LINS1: variants seen among roughly 807,000 people sequenced by gnomAD.
The protein encoded by LINS1 is protein Lines homolog 1.
In LINS1, 27 loss-of-function variants were observed where a neutral mutation model predicts 41.6. That is an observed-to-expected ratio of 0.65 (90% confidence interval 0.48 to 0.89). The LOEUF (loss-of-function observed/expected upper bound fraction) is 0.89. Ranked by LOEUF, LINS1 falls within the 40% of genes least tolerant of loss-of-function variation. The pLI is 0.00. For synonymous variants in LINS1, 336 were observed against 312.9 expected (o/e 1.07, Z -0.78); for missense variants, 955 against 884.1 (o/e 1.08, Z -1.02).
intron 1 of LINS1, among the ~76,000 whole-genome samples, chr15:100,598,891 A>C (rs1407275315): frequency 6.6e-6 from 1 of 152,100 alleles, no homozygotes; most frequent in Non-Finnish European, 1.5e-5. Context: ...TCCACCACCA[A>C]GTGCTTTATG....
At chr15:100,579,840 G>A (rs1020065639) in intron 3 of LINS1, among the ~76,000 whole-genome samples, 3 of 152,124 alleles carry the variant, frequency 2.0e-5, no homozygotes, top group Non-Finnish European at 2.9e-5. Context: ...CTACTAGTTC[G>A]AGAATCTGCA....
intron 1 of LINS1, among the ~76,000 whole-genome samples, chr15:100,588,424 T>G (rs923547917): frequency 6.6e-6 from 1 of 152,256 alleles, no homozygotes; most frequent in Admixed American, 6.5e-5. Flanking sequence ...TAATAAGAGC[T>G]TAAATCAAAT....
At chr15:100,593,993 C>T (rs774054878) in intron 1 of LINS1, among the ~76,000 whole-genome samples, 13 of 152,174 alleles carry the variant, frequency 8.5e-5, no homozygotes, top group African/African-American at 2.4e-4. Context: ...AGTCACCCCT[C>T]GGTATCTGTG....
In LINS1 at chr15:100,567,489, A is replaced by G. The variant is rs2037600388; in HGVS notation, c.*1749T>C. The G allele has an allele frequency of 6.6e-6, 1 of 152,190 alleles. No homozygotes were observed. The highest frequency in any genetic ancestry group is 2.4e-5 in the African/African-American group (1 of 41,444). 9.4% of individuals were successfully genotyped at this position (152,190 alleles called of 1,614,324 possible). On this transcript the variant is annotated 3_prime_UTR_variant, in exon 7 of 7. Coordinates refer to ENST00000314742, the MANE Select transcript of LINS1 (RefSeq NM_001040616.3). ...CACAAAAGCATATATATGAATGTGT[A>G]TTACTCCCGCCCTGCTTCTTTCCCT...
rs765487446 is a variant in LINS1, at chr15:100,569,654, G to C, written c.1858C>G (p.Pro620Ala). ...HTMCASSLSS[P>A]RASQSLVDYD... ...TCTACCAGACTTTGAGAGGCCCGGG[G>C]GGAAGACAGACTAGAAGCACACATG... Residue 620 changes from proline (P) to alanine (A), a missense_variant, in exon 7 of 7, where the codon CCC (proline) becomes GCC (alanine). Coordinates refer to ENST00000314742, the MANE Select transcript of LINS1 (RefSeq NM_001040616.3). The C allele has an allele frequency of 1.5e-5, 25 of 1,613,294 alleles. No individual in the cohort carries two copies. The highest frequency in any genetic ancestry group is 2.1e-5 in the Non-Finnish European group (25 of 1,179,494).
intron 1 of LINS1, among the ~76,000 whole-genome samples, chr15:100,588,233 C>A (rs1323982105): frequency 6.6e-6 from 1 of 152,134 alleles, no homozygotes; most frequent in Admixed American, 6.5e-5. Flanking sequence ...GATGGCCCAG[C>A]CAATTGGTCA....
At chr15:100,584,655 A>G (rs973230780) in intron 1 of LINS1, among the ~76,000 whole-genome samples, 1 of 152,174 alleles carries the variant, frequency 6.6e-6, no homozygotes, top group African/African-American at 2.4e-5. Flanking sequence ...CTGACCATAG[A>G]TATGTGAGGA....
chr15:100,576,403 G>C (rs1039974499), intron 3 of LINS1, among the ~76,000 whole-genome samples: 40 of 152,336 alleles, frequency 2.6e-4, no homozygotes, highest in Non-Finnish European at 4.7e-4. Flanking sequence ...ATACCTCTAT[G>C]CAAATAAAGT....
chr15:100,573,467 G>C (rs1054264399), intron 5 of LINS1, 184 bp downstream of exon 5: 76 of 873,582 alleles, frequency 8.7e-5, no homozygotes, highest in Non-Finnish European at 1.1e-4. Context: ...ACAAAAAGCT[G>C]ACATGTTTCT....
chr15:100,573,875 T>C lies in LINS1; in HGVS notation c.998A>G (p.Asp333Gly), dbSNP rs1367891548. The C allele has an allele frequency of 1.2e-6, 2 of 1,614,104 alleles. No homozygotes were observed. The highest frequency in any genetic ancestry group is 1.7e-6 in the Non-Finnish European group (2 of 1,180,048). ...AACAGCATTAGCTAAAGCCAGCATG[T>C]CCACCGCTACATGATGGTCTGGCGG... ...LMPPDHHVAV[D>G]MLALANAVLQ... Residue 333 changes from aspartate (D) to glycine (G), a missense_variant, in exon 5 of 7, where the codon GAC (aspartate) becomes GGC (glycine). Physicochemically the swap from Asp to Gly is moderately conservative, Grantham distance 94. Coordinates refer to ENST00000314742, the MANE Select transcript of LINS1 (RefSeq NM_001040616.3).
At chr15:100,587,587 G>C (rs2038865748) in intron 1 of LINS1, among the ~76,000 whole-genome samples, 1 of 152,054 alleles carries the variant, frequency 6.6e-6, no homozygotes, top group Non-Finnish European at 1.5e-5. Context: ...ATAAAACCAT[G>C]ATTTTTTTAA....
chr15:100,574,489 C>T (rs1183515644), intron 4 of LINS1, among the ~76,000 whole-genome samples: 1 of 152,342 alleles, frequency 6.6e-6, no homozygotes, highest in East Asian at 1.9e-4. Flanking sequence ...GGGTGGATCA[C>T]TTGAGGTCAG....
intron 1 of LINS1, among the ~76,000 whole-genome samples, chr15:100,590,096 A>G (rs541544456): frequency 6.6e-6 from 1 of 152,318 alleles, no homozygotes; most frequent in African/African-American, 2.4e-5. Flanking sequence ...CTTAAGGTAA[A>G]GCTAACCAAG....
rs774662041 is a variant in LINS1, at chr15:100,575,115, T to C, written c.503A>G (p.Asn168Ser). Residue 168 changes from asparagine (N) to serine (S), a missense_variant, in exon 4 of 7, where the codon AAT becomes AGT. By Grantham distance (46) the Asn-to-Ser change is conservative. Coordinates refer to ENST00000314742, the MANE Select transcript of LINS1 (RefSeq NM_001040616.3). Reference sequence around the variant, plus strand: ...TTTCTGGCAAAAAGCAATCCAGGAATTACTTAAGGTTATCTACAAGTGAGA... The same window carrying C: ...TTTCTGGCAAAAAGCAATCCAGGAACTACTTAAGGTTATCTACAAGTGAGA... ...FQLREKITLS[N>S]SWIAFCQKNL... 6.2e-7 allele frequency: 1 copy of C among 1,611,456 alleles called. No individual in the cohort carries two copies. The highest frequency in any genetic ancestry group is 1.3e-5 in the African/African-American group (1 of 74,878).
intron 1 of LINS1, among the ~76,000 whole-genome samples, chr15:100,591,869 G>C (rs1179400712): frequency 6.6e-6 from 1 of 152,160 alleles, no homozygotes; most frequent in East Asian, 1.9e-4. Context: ...AGTTACAGAA[G>C]ATAGACCATT....
chr15:100,594,708 G>A (rs922382708), intron 1 of LINS1, among the ~76,000 whole-genome samples: 1 of 152,120 alleles, frequency 6.6e-6, no homozygotes. Context: ...ATGACAAGAA[G>A]AAAAAATCCA....
chr15:100,596,195 TA>T (rs1170159467), intron 1 of LINS1, among the ~76,000 whole-genome samples: 1 of 152,218 alleles, frequency 6.6e-6, no homozygotes, highest in Non-Finnish European at 1.5e-5. Flanking sequence ...CTTGGAGTGC[TA>T]CACCATCCTT....
chr15:100,572,742 C>A, intron 5 of LINS1: 1 of 984,130 alleles, frequency 1.0e-6, no homozygotes, highest in Non-Finnish European at 1.2e-6. Context: ...ATTTACTATT[C>A]ATTTTTCTCA....
chr15:100,589,204 G>A (rs1225565516), intron 1 of LINS1, among the ~76,000 whole-genome samples: 1 of 152,204 alleles, frequency 6.6e-6, no homozygotes, highest in Non-Finnish European at 1.5e-5. Context: ...AGTGAAAGGT[G>A]TTGTTGGTAA....
Sources: gnomAD v4.1 joint callset for allele counts (sites outside exome capture counted in the v4.1 genomes callset) on GRCh38, gnomAD v4.1.1 for gene constraint, MANE v1.5 for transcripts, NCBI Gene and HGNC (gene_info 2026-07-23, HGNC 2026-07-21) for gene names.